Variants in LRRC7 observed in about 807,000 individuals in gnomAD.
The protein encoded by LRRC7 is leucine-rich repeat-containing protein 7.
A neutral mutation model predicts 175.7 loss-of-function variants in LRRC7; 23 were observed. The observed-to-expected ratio is 0.13, with a 90% CI of 0.09 to 0.19. LRRC7 has a LOEUF of 0.19. Among genes scored for constraint, LRRC7 ranks in the 10% least tolerant of loss-of-function variants. The pLI is 1.00. For synonymous variants in LRRC7, 685 were observed against 680.9 expected, an observed-to-expected ratio of 1.01 and a Z score of -0.09; for missense variants, 1,354 against 1,904.7, an observed-to-expected ratio of 0.71 and a Z score of 5.38.
intron 7 of LRRC7, among the ~76,000 whole-genome samples, chr1:69,902,062 G>A (rs1016386145): frequency 6.6e-6 from 1 of 152,026 alleles, no homozygotes; most frequent in African/African-American, 2.4e-5. Context: ...GTTAATCCTT[G>A]AATTGCTATG....
At chr1:69,883,126 C>T (rs1279363041) in intron 7 of LRRC7, among the ~76,000 whole-genome samples, 1 of 151,988 alleles carries the variant, frequency 6.6e-6, no homozygotes, top group Non-Finnish European at 1.5e-5. Context: ...TGGGTATATA[C>T]CCAGTAATGG....
chr1:70,079,482 A>G (rs922238816), intron 24 of LRRC7, among the ~76,000 whole-genome samples: 2 of 152,236 alleles, frequency 1.3e-5, no homozygotes, highest in African/African-American at 2.4e-5. Flanking sequence ...TACTCAGTAT[A>G]ATACAACACA....
chr1:69,964,455 G>C (rs1158190886), intron 8 of LRRC7, among the ~76,000 whole-genome samples: 1 of 152,130 alleles, frequency 6.6e-6, no homozygotes, highest in African/African-American at 2.4e-5. Flanking sequence ...CCTGTCCAGG[G>C]ATGCTACCCC....
chr1:70,101,010 CTAA>C (rs1288622626), intron 25 of LRRC7, among the ~76,000 whole-genome samples: 1 of 152,020 alleles, frequency 6.6e-6, no homozygotes, highest in Non-Finnish European at 1.5e-5. Context: ...GTCAAGTGTT[CTAA>C]TAATCATAGA....
chr1:70,007,385 AAC>A (rs767686576), intron 11 of LRRC7, among the ~76,000 whole-genome samples: 4 of 152,214 alleles, frequency 2.6e-5, no homozygotes, highest in South Asian at 4.1e-4. Flanking sequence ...AACTGTGCAA[AAC>A]AGTCTTAATA....
intron 4 of LRRC7, among the ~76,000 whole-genome samples, chr1:69,820,666 C>G (rs989915766): frequency 2.0e-5 from 3 of 152,122 alleles, no homozygotes; most frequent in Non-Finnish European, 4.4e-5. Context: ...CCAGCTTCAT[C>G]CATGTCCCTG....
At chr1:69,971,919 T>A (rs1652275521) in intron 8 of LRRC7, among the ~76,000 whole-genome samples, 1 of 152,042 alleles carries the variant, frequency 6.6e-6, no homozygotes, top group Non-Finnish European at 1.5e-5. Flanking sequence ...GGCATAAAAA[T>A]AAGACACATA....
chr1:69,941,540 A>G (rs955396569), intron 8 of LRRC7, among the ~76,000 whole-genome samples: 6 of 151,830 alleles, frequency 4.0e-5, no homozygotes, highest in African/African-American at 1.2e-4. Context: ...TCTTTAAACT[A>G]TAGCTAGAAG....
At chr1:69,611,815 G>C (rs761032184) in intron 1 of LRRC7, among the ~76,000 whole-genome samples, 1 of 152,028 alleles carries the variant, frequency 6.6e-6, no homozygotes, top group Non-Finnish European at 1.5e-5. Context: ...TCTCAAAAAG[G>C]ACATTTGTTT....
chr1:69,623,056 A>G (rs926346729), intron 1 of LRRC7, among the ~76,000 whole-genome samples: 1 of 152,112 alleles, frequency 6.6e-6, no homozygotes, highest in African/African-American at 2.4e-5. Flanking sequence ...CAGGTTTTCT[A>G]CCACTTGGAT....
rs1666907151 is a variant in LRRC7, at chr1:70,137,180, A to G, written c.*15293A>G. Among the ~76,000 whole-genome samples, 3 of 152,142 alleles carry G rather than the reference A, an allele frequency of 2.0e-5. No individual in the cohort carries two copies. Among genetic ancestry groups the G allele is most frequent in the African/African-American group, 7.2e-5 (3 of 41,428 alleles). ...AGTATCATCCTGAATAAATCATATC[A>G]CGGAGAGATAGTCACAGGTTAGCTA... is the stretch of plus-strand genomic sequence containing the variant. On this transcript the variant is annotated 3_prime_UTR_variant, in exon 27 of 27. Coordinates refer to ENST00000651989, the MANE Select transcript of LRRC7 (RefSeq NM_001370785.2).
chr1:69,767,776 T>C (rs1469364526), intron 3 of LRRC7, among the ~76,000 whole-genome samples: 2 of 152,156 alleles, frequency 1.3e-5, no homozygotes, highest in African/African-American at 4.8e-5. Flanking sequence ...CAGTATTTTG[T>C]TTTAATTAGG....
chr1:69,718,170 AAG>A (rs1366535661), intron 2 of LRRC7, among the ~76,000 whole-genome samples: 1 of 150,830 alleles, frequency 6.6e-6, no homozygotes, highest in Non-Finnish European at 1.5e-5. Context: ...GAAAGAAAGA[AAG>A]AAGAAAAGAA....
In LRRC7 at chr1:69,681,256, A is replaced by G. The variant is rs114112459; in HGVS notation, c.100+2778A>G. Among the ~76,000 whole-genome samples, 1,029 of 152,276 alleles carry G rather than the reference A, an allele frequency of 6.8e-3. 5 individuals are homozygous for G. Among genetic ancestry groups the G allele is most frequent in the African/African-American group, 0.023 (973 of 41,572 alleles). On this transcript the variant is annotated intron_variant, in intron 2 of 26. Coordinates refer to ENST00000651989, the MANE Select transcript of LRRC7 (RefSeq NM_001370785.2). Reference sequence around the variant, plus strand: ...CCAAGACTTGTCGGTCAACTCCCACACAAAGGTGCCACCTTCGAAAACTAT... The same window carrying G: ...CCAAGACTTGTCGGTCAACTCCCACGCAAAGGTGCCACCTTCGAAAACTAT...
chr1:70,068,831 T>C (rs1389323706), intron 23 of LRRC7, among the ~76,000 whole-genome samples: 2 of 152,130 alleles, frequency 1.3e-5, no homozygotes, highest in Non-Finnish European at 2.9e-5. Context: ...TCCTCCTACC[T>C]CAGCCTCTCG....
intron 2 of LRRC7, among the ~76,000 whole-genome samples, chr1:69,714,781 GT>G (rs1039625305): frequency 1.3e-5 from 2 of 151,598 alleles, no homozygotes; most frequent in Non-Finnish European, 2.9e-5. Flanking sequence ...GGAATCTGAT[GT>G]TTTTTTTAAT....
At chr1:69,750,797 G>T (rs903727366) in intron 2 of LRRC7, among the ~76,000 whole-genome samples, 1 of 152,144 alleles carries the variant, frequency 6.6e-6, no homozygotes, top group African/African-American at 2.4e-5. Flanking sequence ...CTTTTGTAAG[G>T]CATTAATCCA....
At chr1:69,651,509 C>T (rs987699872) in intron 1 of LRRC7, among the ~76,000 whole-genome samples, 8 of 152,278 alleles carry the variant, frequency 5.3e-5, no homozygotes, top group African/African-American at 1.7e-4. Flanking sequence ...AAGTTAAAAG[C>T]ACTGTGGGAG....
intron 22 of LRRC7, among the ~76,000 whole-genome samples, chr1:70,046,287 A>T (rs756495676): frequency 2.6e-5 from 4 of 152,090 alleles, no homozygotes; most frequent in Non-Finnish European, 5.9e-5. Context: ...TAATTTCCTG[A>T]TGTCATTTGG....
Sources: allele counts gnomAD v4.1 joint callset (sites outside exome capture counted in the v4.1 genomes callset), GRCh38; gene constraint gnomAD v4.1.1; transcripts MANE v1.5; gene names NCBI Gene and HGNC (gene_info 2026-07-23, HGNC 2026-07-21).